The following ITPR1 variants were observed in gnomAD, a reference collection of about 807,000 sequenced individuals.
The protein encoded by ITPR1 is inositol 1,4,5-trisphosphate receptor type 1, also known as inositol 1,4,5-trisphosphate-gated calcium channel ITPR1.
Under a neutral mutation model 318.4 loss-of-function variants are expected in ITPR1, and 96 were observed. The ratio of observed to expected loss-of-function variants is 0.30; its 90% confidence interval spans 0.26 to 0.36. The LOEUF (loss-of-function observed/expected upper bound fraction) is 0.36, where lower values mean the gene tolerates loss of function less well. Among genes scored for constraint, ITPR1 ranks in the 10% least tolerant of loss-of-function variants. The probability of loss-of-function intolerance (pLI) is 1.00; values close to 1 mark genes in which losing one functional copy is unlikely to be tolerated. For synonymous variants in ITPR1, 1,312 were observed against 1,289.9 expected (o/e 1.02, Z -0.37); for missense variants, 2,440 against 3,460.2 (o/e 0.71, Z 7.40).
rs148578801 is a variant in ITPR1 at position 4,727,819 on chromosome 3, T to C, written c.5220+646T>C. ...TCAGACTCCTGGGCTCAAGCAATCCTCTTGCCTTGGCCTCCCAAAGTGCTG... is the reference window on the plus strand; with the variant it reads ...TCAGACTCCTGGGCTCAAGCAATCCCCTTGCCTTGGCCTCCCAAAGTGCTG... On this transcript the variant is annotated intron_variant, in intron 42 of 61. Transcript: ENST00000649015. Among the ~76,000 whole-genome samples, 1,576 of 152,312 alleles carry C rather than the reference T, an allele frequency of 0.01. 53 individuals carry two copies. The East Asian group carries it at 0.12, about 12-fold the overall frequency.
chr3:4,680,771 T>C, intron 25 of ITPR1, 80 bp downstream of exon 25: 2 of 1,282,326 alleles, frequency 1.6e-6, no homozygotes, highest in Non-Finnish European at 1.1e-6. Context: ...CAGTATCTTC[T>C]AGAAAAAGGG....
At chr3:4,620,268 T>G (rs2092575812) in intron 4 of ITPR1, among the ~76,000 whole-genome samples, 1 of 152,224 alleles carries the variant, frequency 6.6e-6, no homozygotes, top group African/African-American at 2.4e-5. Flanking sequence ...CATGCCTTCG[T>G]TGTACATGGT....
At chr3:4,764,259 A>G (rs945086867) in intron 44 of ITPR1, among the ~76,000 whole-genome samples, 1 of 152,176 alleles carries the variant, frequency 6.6e-6, no homozygotes. Flanking sequence ...TATTTGAGCA[A>G]TTTTCTAGAA....
At chr3:4,684,131 G>GTA in intron 28 of ITPR1, 150 bp from the exon 29 acceptor site, 1 of 646,628 alleles carries the variant, frequency 1.5e-6, no homozygotes, top group Non-Finnish European at 2.8e-6. Context: ...CCCATAGCAA[G>GTA]TAGGTAGATG....
intron 4 of ITPR1, among the ~76,000 whole-genome samples, chr3:4,549,927 G>T (rs1163723422): frequency 6.6e-6 from 1 of 152,180 alleles, no homozygotes; most frequent in East Asian, 1.9e-4. Context: ...TCTACTAACT[G>T]AAAAGCCAAG....
intron 44 of ITPR1, among the ~76,000 whole-genome samples, chr3:4,757,807 G>A (rs572116261): frequency 6.6e-6 from 1 of 152,146 alleles, no homozygotes; most frequent in Admixed American, 6.5e-5. Flanking sequence ...CAGAGAGAGG[G>A]TCCCCAGGGA....
intron 4 of ITPR1, among the ~76,000 whole-genome samples, chr3:4,624,382 T>G (rs1480176717): frequency 6.6e-6 from 1 of 152,042 alleles, no homozygotes; most frequent in Non-Finnish European, 1.5e-5. Context: ...AGATTAAGAT[T>G]AAACAGTAAG....
At chr3:4,736,682 T>C (rs938950654) in intron 44 of ITPR1, among the ~76,000 whole-genome samples, 2 of 151,368 alleles carry the variant, frequency 1.3e-5, no homozygotes, top group Admixed American at 6.6e-5. Flanking sequence ...TATTTTGTCA[T>C]GTGTGTGTGG....
intron 4 of ITPR1, among the ~76,000 whole-genome samples, chr3:4,602,231 G>A (rs1298804998): frequency 1.3e-5 from 2 of 152,166 alleles, no homozygotes; most frequent in East Asian, 1.9e-4. Flanking sequence ...ATAAAAACTT[G>A]TACACGAGCC....
intron 10 of ITPR1, among the ~76,000 whole-genome samples, chr3:4,648,106 T>A (rs141186293): frequency 1.3e-5 from 2 of 151,568 alleles, no homozygotes; most frequent in African/African-American, 4.9e-5. Flanking sequence ...AAGCCGAGAG[T>A]GCACCATTGC....
intron 2 of ITPR1, among the ~76,000 whole-genome samples, chr3:4,513,709 A>G (rs442741): frequency 0.91 from 139,148 of 152,164 alleles, 63,685 homozygotes; most frequent in East Asian, 1. Flanking sequence ...TCAGTTCTCC[A>G]TAATCATCCG....
chr3:4,710,420 C>T lies in ITPR1; in HGVS notation c.4938C>T (p.Phe1646=), dbSNP rs2041266127. 1 of 1,555,942 alleles carries T rather than the reference C, an allele frequency of 6.4e-7. No homozygotes were observed. Among genetic ancestry groups the T allele is most frequent in the East Asian group, 2.4e-5 (1 of 41,356 alleles). ...VDVLHRPELL[F]PENTDARRKC... ...TTCTCCACAGACCCGAGCTGCTTTT[C>T]CCAGAGAACACAGACGCCAGAAGGA... Residue 1646 remains phenylalanine, a synonymous_variant, in exon 38 of 62, where the codon TTC becomes TTT. Transcript: ENST00000649015. The surrounding 1 kb of genome is among the most constrained non-coding windows in gnomAD (Gnocchi z 4.2).
At chr3:4,731,212 C>T (rs752410759) in intron 42 of ITPR1, among the ~76,000 whole-genome samples, 3 of 152,278 alleles carry the variant, frequency 2.0e-5, no homozygotes, top group Non-Finnish European at 2.9e-5. Context: ...TAAATCACTG[C>T]GTTCCCAGTG....
chr3:4,519,266 C>T (rs193231103), intron 3 of ITPR1, among the ~76,000 whole-genome samples: 18 of 152,056 alleles, frequency 1.2e-4, no homozygotes, highest in Admixed American at 1.3e-4. Flanking sequence ...CTCACTCTGT[C>T]GCCAGGCTGG....
At chr3:4,618,975 G>A (rs2092492633) in intron 4 of ITPR1, among the ~76,000 whole-genome samples, 1 of 152,194 alleles carries the variant, frequency 6.6e-6, no homozygotes, top group Non-Finnish European at 1.5e-5. Context: ...ACCTCCAGCA[G>A]CTTCCTGATT....
chr3:4,685,029 G>C lies in ITPR1; in HGVS notation c.3565-40G>C, dbSNP rs190875486. The C allele has an allele frequency of 8.8e-6, 14 of 1,593,772 alleles. No individual in the cohort carries two copies. In the African/African-American group the frequency reaches 1.6e-4, roughly 18 times the overall value. On this transcript the variant is annotated intron_variant, in intron 29 of 61. Transcript: ENST00000649015. ...CCTCTGCAATCTTTTTCCAGCTATA[G>C]TTCCTAGTTTTCTGAGACTGATTTC...
intron 5 of ITPR1, among the ~76,000 whole-genome samples, chr3:4,636,813 A>G (rs2093205839): frequency 6.6e-6 from 1 of 152,178 alleles, no homozygotes; most frequent in Non-Finnish European, 1.5e-5. Flanking sequence ...TGCCTTTCAT[A>G]TGTCTTTTGA....
intron 4 of ITPR1, among the ~76,000 whole-genome samples, chr3:4,564,665 T>C (rs34621815): frequency 0.08 from 12,237 of 152,222 alleles, 676 homozygotes; most frequent in Non-Finnish European, 0.11. Context: ...ATCTGTGAAC[T>C]AGGGCCCTCA....
At chr3:4,573,559 A>C (rs6774037) in intron 4 of ITPR1, among the ~76,000 whole-genome samples, 2 of 152,150 alleles carry the variant, frequency 1.3e-5, no homozygotes, top group African/African-American at 4.8e-5. Flanking sequence ...CTGAGGATAA[A>C]ATTCAAAGTT....
Sources: allele counts gnomAD v4.1 joint callset (sites outside exome capture counted in the v4.1 genomes callset), GRCh38; gene constraint gnomAD v4.1.1; non-coding constraint Gnocchi (gnomAD v3.1); transcripts MANE v1.5; gene names NCBI Gene and HGNC (gene_info 2026-07-23, HGNC 2026-07-21).